Variants in SPOP observed in about 807,000 individuals in gnomAD.
The protein encoded by SPOP is speckle type BTB/POZ protein.
SPOP carries 11 observed loss-of-function variants against 45.6 expected under a neutral mutation model. That is an observed-to-expected ratio of 0.24 (90% CI 0.15 to 0.40). The LOEUF (loss-of-function observed/expected upper bound fraction) is 0.40. SPOP is among the 10% of genes least tolerant of loss of function. The pLI is 1.00. For missense variants in SPOP, 152 were observed against 465.6 expected, an observed-to-expected ratio of 0.33 and a Z score of 6.20; for synonymous variants, 166 against 166.3, an observed-to-expected ratio of 1.00 and a Z score of 0.01.
chr17:49,654,418 C>T (rs2072880832), intron 1 of SPOP, among the ~76,000 whole-genome samples: 2 of 152,188 alleles, frequency 1.3e-5, no homozygotes, highest in South Asian at 4.1e-4. Context: ...ATAACTGTTA[C>T]AATGTCTGGC....
chr17:49,649,299 A>AGGCCGAGGCGGGC (rs1406368459), intron 1 of SPOP, among the ~76,000 whole-genome samples: 1 of 151,574 alleles, frequency 6.6e-6, no homozygotes, highest in African/African-American at 2.4e-5. Context: ...GCACTTTGGG[A>AGGCCGAGGCGGGC]ACCAAGGAGA....
intron 1 of SPOP, among the ~76,000 whole-genome samples, chr17:49,670,821 A>G (rs1187746902): frequency 1.3e-5 from 2 of 152,140 alleles, no homozygotes; most frequent in African/African-American, 4.8e-5. Flanking sequence ...ATTTTTCCCT[A>G]ATTAAGAACA....
rs112688519 is a variant in SPOP, at chr17:49,672,682, C to A, written c.-67+5251G>T. ...TATCATGAGGCCAGGTATGGTGGCT[C>A]ACGCTTGTAATCCCAGCACTTTGGG... On this transcript the variant is annotated intron_variant, in intron 1 of 9. Coordinates refer to ENST00000504102, the MANE Select transcript of SPOP (RefSeq NM_001007228.2). Among the ~76,000 whole-genome samples the A allele has an allele frequency of 8.7e-3, 1,321 of 152,268 alleles. 19 individuals are homozygous for A. The highest frequency in any genetic ancestry group is 0.03 in the African/African-American group (1,247 of 41,528).
chr17:49,651,128 A>G (rs1340729450), intron 1 of SPOP, among the ~76,000 whole-genome samples: 1 of 152,218 alleles, frequency 6.6e-6, no homozygotes, highest in Non-Finnish European at 1.5e-5. Context: ...AAGATAAAAG[A>G]TTGGTGAAAA....
At chr17:49,658,908 T>C (rs2072950458) in intron 1 of SPOP, among the ~76,000 whole-genome samples, 1 of 152,192 alleles carries the variant, frequency 6.6e-6, no homozygotes, top group African/African-American at 2.4e-5. Context: ...TGCTTGCAAC[T>C]TTCTCCACTT....
intron 6 of SPOP, among the ~76,000 whole-genome samples, chr17:49,610,511 G>A (rs1309256094): frequency 1.3e-5 from 2 of 152,178 alleles, no homozygotes; most frequent in African/African-American, 2.4e-5. Flanking sequence ...GAGCCACCGC[G>A]CCCGTGACTT....
rs112880999 is a variant in SPOP, at chr17:49,599,506, G to GTTT, written c.*869_*871dup. On this transcript the variant is annotated 3_prime_UTR_variant, in exon 10 of 10. Coordinates refer to ENST00000504102, the MANE Select transcript of SPOP (RefSeq NM_001007228.2). ...CTTTTGTTCTGTTTTTGTTTTGTGT[G>GTTT]TTTTTTTTTTTGTTTGTTTTTTAGA... is the stretch of plus-strand genomic sequence containing the variant. 855 of 183,588 alleles carry GTTT rather than the reference G, an allele frequency of 4.7e-3. 5 individuals carry two copies. Among genetic ancestry groups the GTTT allele is most frequent in the African/African-American group, 0.016 (596 of 37,406 alleles). The allele number at this position is 183,588 out of a possible 1,614,324, so 11.4% of individuals were successfully genotyped here.
chr17:49,674,276 T>C (rs2073172974), intron 1 of SPOP, among the ~76,000 whole-genome samples: 1 of 152,252 alleles, frequency 6.6e-6, no homozygotes, highest in Non-Finnish European at 1.5e-5. Context: ...TTGAGTAGAA[T>C]TGCTATTAGT....
chr17:49,675,102 TAAC>T (rs112206911), intron 1 of SPOP, among the ~76,000 whole-genome samples: 4 of 152,208 alleles, frequency 2.6e-5, no homozygotes, highest in South Asian at 2.1e-4. Flanking sequence ...TAGTAATACC[TAAC>T]AACATTACAA....
chr17:49,676,668 C>T (rs993197174), intron 1 of SPOP, among the ~76,000 whole-genome samples: 3 of 152,158 alleles, frequency 2.0e-5, no homozygotes, highest in African/African-American at 7.2e-5. Context: ...TTCCCCACAA[C>T]AATTTAGCTA....
At chr17:49,612,291 A>G (rs1179501873) in intron 5 of SPOP, among the ~76,000 whole-genome samples, 7 of 152,246 alleles carry the variant, frequency 4.6e-5, no homozygotes, top group Non-Finnish European at 1.0e-4. Flanking sequence ...TTCTTCAAAA[A>G]TATTAGTTTA....
chr17:49,676,429 G>A (rs1274987602), intron 1 of SPOP, among the ~76,000 whole-genome samples: 1 of 152,160 alleles, frequency 6.6e-6, no homozygotes, highest in African/African-American at 2.4e-5. Context: ...AAGGGCCAGG[G>A]TTAAAAGGGG....
chr17:49,651,020 G>A (rs772682711), intron 1 of SPOP, among the ~76,000 whole-genome samples: 4 of 152,126 alleles, frequency 2.6e-5, no homozygotes, highest in East Asian at 1.9e-4. Context: ...AGCCAGCAGC[G>A]GAGTTTAGAA....
At chr17:49,611,197 A>G in intron 6 of SPOP, 83 bp downstream of exon 6, 1 of 1,465,286 alleles carries the variant, frequency 6.8e-7, no homozygotes, top group Non-Finnish European at 9.3e-7. Flanking sequence ...AAAAAGTTGA[A>G]GTTGTTCAAA....
chr17:49,676,770 T>G (rs536180023), intron 1 of SPOP, among the ~76,000 whole-genome samples: 1 of 152,262 alleles, frequency 6.6e-6, no homozygotes, highest in South Asian at 2.1e-4. Flanking sequence ...AGCAGCAAAG[T>G]ATCCAAAAAA....
intron 8 of SPOP, among the ~76,000 whole-genome samples, chr17:49,605,364 A>G (rs1478646889): frequency 6.6e-6 from 1 of 152,208 alleles, no homozygotes; most frequent in East Asian, 1.9e-4. Context: ...CGCAAATACC[A>G]AAATCTGTGA....
intron 1 of SPOP, among the ~76,000 whole-genome samples, chr17:49,637,561 G>T (rs1429439178): frequency 6.6e-6 from 1 of 152,128 alleles, no homozygotes; most frequent in African/African-American, 2.4e-5. Context: ...ATGTTGGCCA[G>T]ACTGGTCTCA....
In SPOP at chr17:49,619,044, T is replaced by C. The variant is rs914728063; in HGVS notation, c.417A>G (p.Arg139=). ...KDWGFKKFIR[R]DFLLDEANGL... is the part of the protein sequence containing the mutation. ...CGTTGGCCTCATCCAAAAGAAAATC[T>C]CTACGGATGAATTTCTTGAATCCCC... Residue 139 remains arginine (R), a synonymous_variant, in exon 5 of 10, where the codon AGA becomes AGG. Coordinates refer to ENST00000504102, the MANE Select transcript of SPOP (RefSeq NM_001007228.2). This position sits in a 1 kb window ranked among gnomAD's most constrained non-coding sequence, Gnocchi z 4.9. 1.2e-6 allele frequency: 2 copies of C among 1,614,094 alleles called. No individual in the cohort carries two copies. Among genetic ancestry groups the C allele is most frequent in the Non-Finnish European group, 1.7e-6 (2 of 1,180,014 alleles).
At chr17:49,644,691 A>G (rs1215720032) in intron 1 of SPOP, among the ~76,000 whole-genome samples, 3 of 152,216 alleles carry the variant, frequency 2.0e-5, no homozygotes, top group Non-Finnish European at 2.9e-5. Flanking sequence ...TTGGAAAAAA[A>G]GAATGAAAAT....
Sources: gnomAD v4.1 joint callset for allele counts (sites outside exome capture counted in the v4.1 genomes callset) on GRCh38, gnomAD v4.1.1 for gene constraint, Gnocchi (gnomAD v3.1) non-coding constraint, MANE v1.5 for transcripts, NCBI Gene and HGNC (gene_info 2026-07-23, HGNC 2026-07-21) for gene names.